ISM1: variants seen among roughly 807,000 people sequenced by gnomAD.
ISM1 encodes isthmin-1.
ISM1 carries 25 observed loss-of-function variants against 46.3 expected under a neutral mutation model. That is an observed-to-expected ratio of 0.54 (90% CI 0.39 to 0.75). ISM1 has a LOEUF of 0.75. Among genes scored for constraint, ISM1 ranks in the 30% least tolerant of loss-of-function variants. The pLI, the probability that ISM1 is intolerant of heterozygous loss-of-function variation, is 0.00. For missense variants in ISM1, 536 were observed against 625.4 expected, an observed-to-expected ratio of 0.86 and a Z score of 1.52; for synonymous variants, 255 against 256.7, an observed-to-expected ratio of 0.99 and a Z score of 0.06.
chr20:13,242,514 C>T (rs2039738384), intron 1 of ISM1, among the ~76,000 whole-genome samples: 1 of 151,934 alleles, frequency 6.6e-6, no homozygotes, highest in Non-Finnish European at 1.5e-5. Flanking sequence ...CGAGAAGGTC[C>T]AGTAAAAGGT....
intron 1 of ISM1, among the ~76,000 whole-genome samples, chr20:13,261,536 A>G (rs1019193474): frequency 2.7e-4 from 41 of 152,298 alleles, no homozygotes; most frequent in Admixed American, 2.0e-3. Flanking sequence ...CCAGTCTACC[A>G]TAAGTGCAGA....
At chr20:13,259,838 A>T (rs1168717624) in intron 1 of ISM1, among the ~76,000 whole-genome samples, 5 of 152,230 alleles carry the variant, frequency 3.3e-5, no homozygotes, top group African/African-American at 1.2e-4. Flanking sequence ...CTGTGCCCCA[A>T]TACTAAGTGA....
In ISM1 at chr20:13,249,037, G is replaced by C. The variant is rs75614963; in HGVS notation, c.139-21467G>C. Among the ~76,000 whole-genome samples the C allele has an allele frequency of 2.7e-3, 416 of 152,282 alleles. 6 individuals are homozygous for C. The highest frequency in any genetic ancestry group is 9.4e-3 in the African/African-American group (390 of 41,558). On this transcript the variant is annotated intron_variant, in intron 1 of 5. Coordinates refer to ENST00000262487, the MANE Select transcript of ISM1 (RefSeq NM_080826.2). ...ATCGTGGGCCAAGTTCAGGCCCCAC[G>C]TACATGTGGTCAGGTCAGGAGCCCT...
rs2039446366 is a variant in ISM1, at chr20:13,221,516, T to C, written c.-261T>C. On this transcript the variant is annotated 5_prime_UTR_variant, in exon 1 of 6. Transcript: ENST00000262487. ...CGCCGGGGCTTGCTCCGCAGCCGGC[T>C]TGGACACCCCCGGCCTCGCGGTGGC... 7.1e-6 allele frequency among the ~76,000 whole-genome samples: 1 copy of C among 141,288 alleles called. No homozygotes were observed. Among genetic ancestry groups the C allele is most frequent in the South Asian group, 2.3e-4 (1 of 4,426 alleles). 92.7% of individuals were successfully genotyped at this position (141,288 alleles called of 152,430 possible). A position where few individuals can be genotyped will look rare whatever the true frequency, so the allele number is the denominator to read the frequency against.
At chr20:13,267,421 CT>C (rs2040055310) in intron 1 of ISM1, among the ~76,000 whole-genome samples, 1 of 152,206 alleles carries the variant, frequency 6.6e-6, no homozygotes, top group South Asian at 2.1e-4. Flanking sequence ...TACTTGTGGC[CT>C]GAACTGCCCA....
In ISM1 at chr20:13,296,746, G is replaced by A. The variant is rs148541973; in HGVS notation, c.878-2196G>A. 9.4e-3 allele frequency among the ~76,000 whole-genome samples: 1,424 copies of A among 152,298 alleles called. 18 individuals are homozygous for A. The highest frequency in any genetic ancestry group is 0.032 in the African/African-American group (1,318 of 41,554). ...TTAAGATGCATTTTGTCAGCCAGGCGTGGTGGCTTACACCTGTAATCCCAG... is the reference window on the plus strand; with the variant it reads ...TTAAGATGCATTTTGTCAGCCAGGCATGGTGGCTTACACCTGTAATCCCAG... On this transcript the variant is annotated intron_variant, in intron 5 of 5. Coordinates refer to ENST00000262487, the MANE Select transcript of ISM1 (RefSeq NM_080826.2).
intron 1 of ISM1, chr20:13,239,010 C>T (rs114993017): frequency 7.3e-4 from 111 of 152,320 alleles, no homozygotes; most frequent in African/African-American, 2.6e-3. Flanking sequence ...GAGCTCCTTA[C>T]TGAGAGTGTG....
rs2040441418 is a variant in ISM1 at position 13,299,651 on chromosome 20, G to A, written c.*192G>A. The A allele has an allele frequency of 5.4e-6, 3 of 553,852 alleles. No individual in the cohort carries two copies. Among genetic ancestry groups the A allele is most frequent in the Admixed American group, 3.2e-5 (1 of 31,000 alleles). 34.3% of individuals were successfully genotyped at this position (553,852 alleles called of 1,614,324 possible). Reference sequence around the variant, plus strand: ...GGGACTGCCTTGTGAAGCCGCCCTCGCCATCTGCAGAGCTCCTTGAAAGTG... The same window carrying A: ...GGGACTGCCTTGTGAAGCCGCCCTCACCATCTGCAGAGCTCCTTGAAAGTG... On this transcript the variant is annotated 3_prime_UTR_variant, in exon 6 of 6. Transcript: ENST00000262487. The surrounding 1 kb of genome is among the most constrained non-coding windows in gnomAD (Gnocchi z 5.8).
At position 13,225,011 on chromosome 20, in the gene ISM1, A is replaced by G. The variant is rs1357673257; in HGVS notation, c.138+3097A>G. Among the ~76,000 whole-genome samples the G allele has an allele frequency of 3.8e-5, 5 of 132,330 alleles. No homozygotes were observed. In the East Asian group the frequency reaches 1.0e-3, roughly 27 times the overall value. The allele number at this position is 132,330 out of a possible 152,430, so 86.8% of individuals were successfully genotyped here. A position where few individuals can be genotyped will look rare whatever the true frequency, so the allele number is the denominator to read the frequency against. On this transcript the variant is annotated intron_variant, in intron 1 of 5. Coordinates refer to ENST00000262487, the MANE Select transcript of ISM1 (RefSeq NM_080826.2). ...CAGGCGCCTGCCACCACGCCCGGCT[A>G]ATTTTTTTTTTTTTTGTATTTTTAG...
chr20:13,311,894 A>G, the ISM1 span, among the ~76,000 whole-genome samples: 1 of 152,200 alleles, frequency 6.6e-6, no homozygotes, highest in Non-Finnish European at 1.5e-5. Flanking sequence ...GTAGTTAATA[A>G]TCTATTACAT....
At chr20:13,326,310 C>T in the ISM1 span, among the ~76,000 whole-genome samples, 1 of 152,234 alleles carries the variant, frequency 6.6e-6, no homozygotes, top group East Asian at 1.9e-4. Flanking sequence ...CCTAAGATTT[C>T]ATTTCTCTAG....
chr20:13,272,855 G>T (rs969105571), intron 2 of ISM1, among the ~76,000 whole-genome samples: 1 of 152,184 alleles, frequency 6.6e-6, no homozygotes, highest in African/African-American at 2.4e-5. Flanking sequence ...AGATGTTCTG[G>T]TTCCAGAATC....
chr20:13,259,302 AAAG>A (rs2039962734), intron 1 of ISM1, among the ~76,000 whole-genome samples: 1 of 151,812 alleles, frequency 6.6e-6, no homozygotes, highest in Admixed American at 6.6e-5. Context: ...AACAAAAACA[AAAG>A]GAGTCTAGAT....
At chr20:13,285,323 A>AT (rs374969218) in intron 3 of ISM1, among the ~76,000 whole-genome samples, 3 of 151,848 alleles carry the variant, frequency 2.0e-5, no homozygotes, top group Non-Finnish European at 4.4e-5. Flanking sequence ...GGAAAAAAAA[A>AT]GCCAACCGCA....
chr20:13,222,502 C>T (rs1304409267), intron 1 of ISM1, among the ~76,000 whole-genome samples: 1 of 152,058 alleles, frequency 6.6e-6, no homozygotes, highest in African/African-American at 2.4e-5. Flanking sequence ...GTTCCCCCCT[C>T]CCCCCTTGTG....
chr20:13,278,270 T>G (rs2040202715), intron 2 of ISM1, among the ~76,000 whole-genome samples: 1 of 152,168 alleles, frequency 6.6e-6, no homozygotes, highest in African/African-American at 2.4e-5. Flanking sequence ...AAATGAGACT[T>G]TCATAAATCT....
intron 3 of ISM1, among the ~76,000 whole-genome samples, chr20:13,282,034 T>C (rs2040243791): frequency 2.0e-5 from 3 of 152,026 alleles, no homozygotes; most frequent in Non-Finnish European, 4.4e-5. Flanking sequence ...AACTCTGGAG[T>C]GGGACCCAGA....
intron 1 of ISM1, among the ~76,000 whole-genome samples, chr20:13,223,555 G>A (rs1568658825): frequency 6.6e-6 from 1 of 152,144 alleles, no homozygotes; most frequent in Admixed American, 6.5e-5. Flanking sequence ...ACTAAAGCAA[G>A]GTGATTATTG....
At chr20:13,228,563 C>T (rs1016963208) in intron 1 of ISM1, among the ~76,000 whole-genome samples, 1 of 151,852 alleles carries the variant, frequency 6.6e-6, no homozygotes, top group African/African-American at 2.4e-5. Flanking sequence ...AAACTTGATG[C>T]TTTTATGATT....
Sources: allele counts gnomAD v4.1 joint callset (sites outside exome capture counted in the v4.1 genomes callset), GRCh38; gene constraint gnomAD v4.1.1; non-coding constraint Gnocchi (gnomAD v3.1); transcripts MANE v1.5; gene names NCBI Gene and HGNC (gene_info 2026-07-23, HGNC 2026-07-21).